Variants in FMNL2 observed in about 807,000 individuals in gnomAD.
FMNL2 encodes the protein formin-like protein 2.
Under a neutral mutation model 130.2 loss-of-function variants are expected in FMNL2, and 51 were observed. The observed-to-expected ratio is 0.39, with a 90% confidence interval of 0.31 to 0.49. The LOEUF (loss-of-function observed/expected upper bound fraction) is 0.49, where lower values mean the gene tolerates loss of function less well. Ranked by LOEUF, FMNL2 falls within the 20% of genes least tolerant of loss-of-function variation. FMNL2 has a pLI of 0.85. For missense variants in FMNL2, 977 were observed against 1,316.2 expected (o/e 0.74, Z 3.99); for synonymous variants, 465 against 467.1 (o/e 1.00, Z 0.06).
intron 15 of FMNL2, among the ~76,000 whole-genome samples, chr2:152,622,851 A>G (rs1322780182): frequency 8.3e-6 from 1 of 121,158 alleles, no homozygotes; most frequent in Non-Finnish European, 1.8e-5. Flanking sequence ...TAATTTTTAT[A>G]TTTGTATCTG....
At chr2:152,420,929 A>C (rs1686881937) in intron 1 of FMNL2, among the ~76,000 whole-genome samples, 1 of 152,210 alleles carries the variant, frequency 6.6e-6, no homozygotes, top group African/African-American at 2.4e-5. Flanking sequence ...TTTCGGACTC[A>C]GATTTGCCTG....
intron 1 of FMNL2, among the ~76,000 whole-genome samples, chr2:152,472,668 G>A (rs1433318640): frequency 6.6e-6 from 1 of 152,102 alleles, no homozygotes; most frequent in African/African-American, 2.4e-5. Flanking sequence ...CAGGCTCCAG[G>A]CAATTCAGAT....
At chr2:152,345,729 G>A (rs946582621) in intron 1 of FMNL2, among the ~76,000 whole-genome samples, 1 of 152,172 alleles carries the variant, frequency 6.6e-6, no homozygotes, top group African/African-American at 2.4e-5. Flanking sequence ...CATAAACTTG[G>A]ATTCCCAGGG....
chr2:152,530,884 G>C (rs1693650417), intron 2 of FMNL2, among the ~76,000 whole-genome samples: 2 of 152,180 alleles, frequency 1.3e-5, no homozygotes, highest in South Asian at 4.1e-4. Flanking sequence ...AATTTCTAAT[G>C]ATACTGTAGG....
chr2:152,370,437 T>C (rs1360152515), intron 1 of FMNL2, among the ~76,000 whole-genome samples: 4 of 152,224 alleles, frequency 2.6e-5, no homozygotes, highest in Admixed American at 2.6e-4. Context: ...ACACATGAAT[T>C]TGACAGTGGG....
At chr2:152,524,432 C>T (rs7581544) in intron 2 of FMNL2, among the ~76,000 whole-genome samples, 85,062 of 151,868 alleles carry the variant, frequency 0.56, 24,404 homozygotes, top group Non-Finnish European at 0.63. Flanking sequence ...ACGGAAGCCA[C>T]GGAACAGAGA....
rs374923719 is a variant in FMNL2 at position 152,485,779 on chromosome 2, G to T, written c.118-36164G>T. 7.9e-5 allele frequency among the ~76,000 whole-genome samples: 12 copies of T among 152,202 alleles called. No homozygotes were observed. In the East Asian group the frequency reaches 1.9e-3, roughly 24 times the overall value. ...TCTGTGCTAGCGGCATCTCCATTTC[G>T]CCTAGCAATTGTAGCAGAATAGAGA... On this transcript the variant is annotated intron_variant, in intron 1 of 25. Transcript: ENST00000288670.
At chr2:152,355,706 G>A (rs1682742591) in intron 1 of FMNL2, among the ~76,000 whole-genome samples, 1 of 152,184 alleles carries the variant, frequency 6.6e-6, no homozygotes, top group Admixed American at 6.5e-5. Flanking sequence ...CATAGTCATA[G>A]TCCATCACGC....
At position 152,340,873 on chromosome 2, in the gene FMNL2, G is replaced by A. The variant is rs540081436; in HGVS notation, c.117+5153G>A. ...TGCCCGGCTGATTTTTGTATTTTTA[G>A]TAGAGATGGGGTTTCAGCATCTTGG... On this transcript the variant is annotated intron_variant, in intron 1 of 25. Coordinates refer to ENST00000288670, the MANE Select transcript of FMNL2 (RefSeq NM_052905.4). 7.9e-5 allele frequency among the ~76,000 whole-genome samples: 12 copies of A among 152,176 alleles called. No homozygotes were observed. The South Asian group carries it at 2.5e-3, about 32-fold the overall frequency.
At chr2:152,506,859 C>A (rs1479901371) in intron 1 of FMNL2, among the ~76,000 whole-genome samples, 1 of 151,878 alleles carries the variant, frequency 6.6e-6, no homozygotes, top group Admixed American at 6.6e-5. Flanking sequence ...TCATTTTATT[C>A]TTCTAAAAGC....
chr2:152,585,255 G>A (rs1012808464), intron 9 of FMNL2, among the ~76,000 whole-genome samples: 6 of 152,074 alleles, frequency 3.9e-5, no homozygotes, highest in African/African-American at 1.2e-4. Flanking sequence ...ATAAAGACCA[G>A]GGTGAGAAAA....
chr2:152,645,194 A>G (rs1423110437), intron 25 of FMNL2, among the ~76,000 whole-genome samples: 1 of 152,122 alleles, frequency 6.6e-6, no homozygotes, highest in Non-Finnish European at 1.5e-5. Flanking sequence ...GTTGGACTAT[A>G]TCTATCTTTC....
chr2:152,405,580 TGTGTCTACCTTGC>T (rs1166524853), intron 1 of FMNL2, among the ~76,000 whole-genome samples: 1 of 152,222 alleles, frequency 6.6e-6, no homozygotes, highest in Non-Finnish European at 1.5e-5. Context: ...TTGGTTTTCC[TGTGTCTACCTTGC>T]GTGCCAGGTG....
chr2:152,416,673 C>G (rs923029054), intron 1 of FMNL2, among the ~76,000 whole-genome samples: 1 of 152,164 alleles, frequency 6.6e-6, no homozygotes, highest in Non-Finnish European at 1.5e-5. Flanking sequence ...CCAGGCCAGG[C>G]CAGTGGCACT....
chr2:152,375,850 G>GCTCTCTCTCTCTCTCTCT lies in FMNL2; in HGVS notation c.117+40141_117+40158dup, dbSNP rs71394477. ...AGTACTATAACATTTAGCCATTGAA[G>GCTCTCTCTCTCTCTCTCT]CTCTCTCTCTCTCTCTCTCTCTCTC... On this transcript the variant is annotated intron_variant, in intron 1 of 25. Coordinates refer to ENST00000288670, the MANE Select transcript of FMNL2 (RefSeq NM_052905.4). Among the ~76,000 whole-genome samples, 4 of 100,602 alleles carry GCTCTCTCTCTCTCTCTCT rather than the reference G, an allele frequency of 4.0e-5. No individual in the cohort carries two copies. The East Asian group carries it at 1.5e-3, about 37-fold the overall frequency. The allele number at this position is 100,602 out of a possible 152,430, so 66.0% of individuals were successfully genotyped here.
chr2:152,449,348 G>A (rs941093166), intron 1 of FMNL2, among the ~76,000 whole-genome samples: 3 of 152,142 alleles, frequency 2.0e-5, no homozygotes, highest in African/African-American at 4.8e-5. Context: ...AGGCCTTGGT[G>A]TATGAGATTC....
At chr2:152,479,117 T>C (rs1690333607) in intron 1 of FMNL2, among the ~76,000 whole-genome samples, 1 of 152,042 alleles carries the variant, frequency 6.6e-6, no homozygotes. Flanking sequence ...AGTTTTTTTT[T>C]GTTGTTGTTG....
chr2:152,350,452 A>T (rs1682416104), intron 1 of FMNL2, among the ~76,000 whole-genome samples: 1 of 152,172 alleles, frequency 6.6e-6, no homozygotes, highest in South Asian at 2.1e-4. Context: ...GTGATTTTCA[A>T]AGAAATGAGT....
chr2:152,367,623 T>C (rs1683634071), intron 1 of FMNL2, among the ~76,000 whole-genome samples: 1 of 152,230 alleles, frequency 6.6e-6, no homozygotes, highest in Admixed American at 6.5e-5. Context: ...GTCTTAGGTG[T>C]GTGAGGTCAT....
Sources: allele counts gnomAD v4.1 joint callset (sites outside exome capture counted in the v4.1 genomes callset), GRCh38; gene constraint gnomAD v4.1.1; transcripts MANE v1.5; gene names NCBI Gene and HGNC (gene_info 2026-07-23, HGNC 2026-07-21).